The following ZNF512B variants were observed in gnomAD, a reference collection of about 807,000 sequenced individuals.
The protein encoded by ZNF512B is zinc finger protein 512B.
Under a neutral mutation model 87.8 loss-of-function variants are expected in ZNF512B, and 22 were observed. The observed-to-expected ratio is 0.25, with a 90% CI of 0.18 to 0.36. The LOEUF is 0.36. Among genes scored for constraint, ZNF512B ranks in the 10% least tolerant of loss-of-function variants. ZNF512B has a pLI of 1.00. For missense variants in ZNF512B, 1,060 were observed against 1,231.6 expected, an observed-to-expected ratio of 0.86 and a Z score of 2.09; for synonymous variants, 524 against 490.9, an observed-to-expected ratio of 1.07 and a Z score of -0.89.
chr20:63,969,326 G>C (rs1467201267), intron 1 of ZNF512B, among the ~76,000 whole-genome samples: 2 of 152,238 alleles, frequency 1.3e-5, no homozygotes. Flanking sequence ...GGATGAGAAG[G>C]GGCTTCGGCC....
Position 63,969,835 on chromosome 20 carries a change from C to CGGCCGGGCCGGGCCG in ZNF512B, c.-39_-25dup, listed in dbSNP as rs1185102365. The stretch of plus-strand genomic sequence containing the variant: ...TTACCTGCGGCGCCCAGCGGGGCTG[C>CGGCCGGGCCGGGCCG]GGCCGGGCCGGGCCGGGCCGGGGCG... On this transcript the variant is annotated 5_prime_UTR_variant, in exon 1 of 17. Coordinates refer to ENST00000369888, the MANE Select transcript of ZNF512B (RefSeq NM_020713.3). 1 of 93,374 alleles carries CGGCCGGGCCGGGCCG rather than the reference C, an allele frequency of 1.1e-5. No individual in the cohort carries two copies. The highest frequency in any genetic ancestry group is 2.1e-5 in the Non-Finnish European group (1 of 47,678). 5.8% of individuals were successfully genotyped at this position (93,374 alleles called of 1,614,324 possible). A position where few individuals can be genotyped will look rare whatever the true frequency, so the allele number is the denominator to read the frequency against.
Position 63,964,693 on chromosome 20 carries a change from C to T in ZNF512B, c.1058G>A (p.Cys353Tyr). The T allele has an allele frequency of 1.2e-6, 2 of 1,611,466 alleles. No individual in the cohort carries two copies. Among genetic ancestry groups the T allele is most frequent in the Non-Finnish European group, 1.7e-6 (2 of 1,179,942 alleles). ...CCTGGCCTGCTTGGGTGGAATTGGG[C>T]AGGTGTCCAGGCTGTCCGCAGCCCT... Reference protein sequence around the residue: ...KKRAADSLDTCPIPPKQARPE... With the variant: ...KKRAADSLDTYPIPPKQARPE... Residue 353 changes from cysteine (C) to tyrosine (Y), a missense_variant, in exon 6 of 17, where the codon TGC (cysteine) becomes TAC (tyrosine). Cys to Tyr is a radical substitution (Grantham distance 194). Transcript: ENST00000369888.
intron 1 of ZNF512B, among the ~76,000 whole-genome samples, chr20:63,969,407 G>C (rs1485243273): frequency 6.6e-6 from 1 of 151,728 alleles, no homozygotes; most frequent in African/African-American, 2.4e-5. Context: ...CGCAGGAGAC[G>C]CCAGCAGCGG....
At chr20:63,967,253 G>T in intron 3 of ZNF512B, 128 bp downstream of exon 3, 2 of 1,416,928 alleles carry the variant, frequency 1.4e-6, no homozygotes, top group Non-Finnish European at 1.9e-6. Flanking sequence ...CGTGAAGTCT[G>T]CCAGGCCAGT....
chr20:63,968,691 C>T (rs817333), intron 1 of ZNF512B, among the ~76,000 whole-genome samples: 31,051 of 152,202 alleles, frequency 0.2, 3,233 homozygotes, highest in Non-Finnish European at 0.22. Context: ...CAGGCTGACC[C>T]GCCCCCCACC....
At position 63,963,134 on chromosome 20, in the gene ZNF512B, A is replaced by C; in HGVS notation, c.1929T>G (p.Ala643=). The C allele has an allele frequency of 1.3e-6, 2 of 1,557,302 alleles. No homozygotes were observed. Among genetic ancestry groups the C allele is most frequent in the East Asian group, 2.4e-5 (1 of 42,294 alleles). ...THCGKTYRSK[A]GHDYHVRSEH... ...CCGAGCGCACGTGGTAGTCGTGGCC[A>C]GCCTTGGATCGGTACGTCTTGCCAC... Residue 643 remains alanine, a synonymous_variant, in exon 12 of 17, where the codon GCT becomes GCG. Coordinates refer to ENST00000369888, the MANE Select transcript of ZNF512B (RefSeq NM_020713.3).
In ZNF512B at chr20:63,967,471, G is replaced by A. The variant is rs2058939974; in HGVS notation, c.174C>T (p.Cys58=). 5 of 1,612,710 alleles carry A rather than the reference G, an allele frequency of 3.1e-6. No individual in the cohort carries two copies. Among genetic ancestry groups the A allele is most frequent in the East Asian group, 2.2e-5 (1 of 44,862 alleles). The part of the protein sequence containing the change: ...GQTVPGQAPL[C]FDPGSPASDK... ...CACTGGCTGGACTTCCCGGGTCAAA[G>A]CAGAGAGGGGCCTGGCCGGGCACTG... The change falls in exon 3 of 17, where the codon TGC becomes TGT. Residue 58 remains cysteine (C), a synonymous_variant. Transcript: ENST00000369888.
chr20:63,967,460 C>G lies in ZNF512B; in HGVS notation c.185G>C (p.Gly62Ala). The G allele has an allele frequency of 1.9e-6, 3 of 1,613,282 alleles. No individual in the cohort carries two copies. Among genetic ancestry groups the G allele is most frequent in the East Asian group, 2.2e-5 (1 of 44,868 alleles). The change falls in exon 3 of 17, where the codon GGA becomes GCA. Residue 62 changes from glycine to alanine, a missense_variant. Physicochemically the swap from Gly to Ala is moderately conservative, Grantham distance 60. Coordinates refer to ENST00000369888, the MANE Select transcript of ZNF512B (RefSeq NM_020713.3). ...PGQAPLCFDPGSPASDKTEGK... is the reference protein window; with the variant it reads ...PGQAPLCFDPASPASDKTEGK... ...TTCTGTCTTGTCACTGGCTGGACTT[C>G]CCGGGTCAAAGCAGAGAGGGGCCTG...
At chr20:63,965,974 G>A (rs1281681884) in intron 5 of ZNF512B, among the ~76,000 whole-genome samples, 167 bp downstream of exon 5, 1 of 51,644 alleles carries the variant, frequency 1.9e-5, no homozygotes. Context: ...TCTCACCACT[G>A]TTCCTCCCCG....
intron 14 of ZNF512B, 85 bp from the exon 15 acceptor site, chr20:63,962,089 G>A (rs2058859000): frequency 1.3e-5 from 19 of 1,471,842 alleles, no homozygotes; most frequent in East Asian, 2.5e-5. Context: ...GGGGATCTCT[G>A]AGGCTCTTTG....
rs3752314 is a variant in ZNF512B, at chr20:63,966,314, G to A, written c.861C>T (p.Pro287=). Residue 287 remains proline, a synonymous_variant, in exon 5 of 17, where the codon CCC becomes CCT. Transcript: ENST00000369888. ...CTGTCACTGGCTTGGTGACCGGCAC[G>A]GGTTTCGTAACTGTCACAAGCTTTG... is the stretch of plus-strand genomic sequence containing the variant. ...TVTKLVTVTK[P]VPVTKPVTVS... 1.0e-4 allele frequency: 163 copies of A among 1,594,630 alleles called. 1 individual carries two copies. The East Asian group carries it at 3.2e-3, about 31-fold the overall frequency.
chr20:63,961,239 G>A lies in ZNF512B; in HGVS notation c.2427+70C>T. 2 of 1,488,422 alleles carry A rather than the reference G, an allele frequency of 1.3e-6. No homozygotes were observed. The highest frequency in any genetic ancestry group is 1.9e-6 in the Non-Finnish European group (2 of 1,078,106). The allele number at this position is 1,488,422 out of a possible 1,614,324, so 92.2% of individuals were successfully genotyped here. A position where few individuals can be genotyped will look rare whatever the true frequency, so the allele number is the denominator to read the frequency against. ...CCACTGACCTCTCTACCCCCAAGGG[G>A]TGCCCAACCCCAGCCCTGTCCCCTC... On this transcript the variant is annotated intron_variant, in intron 16 of 16. Coordinates refer to ENST00000369888, the MANE Select transcript of ZNF512B (RefSeq NM_020713.3). This position sits in a 1 kb window ranked among gnomAD's most constrained non-coding sequence, Gnocchi z 6.4.
chr20:63,966,525 G>A lies in ZNF512B; in HGVS notation c.650C>T (p.Ser217Leu), dbSNP rs762785738. 21 of 1,613,994 alleles carry A rather than the reference G, an allele frequency of 1.3e-5. No homozygotes were observed. The highest frequency in any genetic ancestry group is 2.2e-5 in the East Asian group (1 of 44,896). ...GGTGACTGGCATGGGTCTGCCGACC[G>A]AGACTGGCTTGCTGATGCCAATGGG... is the stretch of plus-strand genomic sequence containing the variant. ...SKPIGISKPV[S>L]VGRPMPVTKA... The change falls in exon 5 of 17, where the codon TCG becomes TTG. Residue 217 changes from serine (S) to leucine (L), a missense_variant. This residue lies in a region of ZNF512B where 201 missense variants were observed against 226.8 expected (regional missense o/e 0.89). Coordinates refer to ENST00000369888, the MANE Select transcript of ZNF512B (RefSeq NM_020713.3).
In ZNF512B at chr20:63,969,860, G is replaced by A. The variant is rs1323390738; in HGVS notation, c.-49C>T. The A allele has an allele frequency of 1.6e-4, 23 of 141,370 alleles. No homozygotes were observed. The highest frequency in any genetic ancestry group is 5.6e-4 in the African/African-American group (22 of 39,418). The allele number at this position is 141,370 out of a possible 1,614,324, so 8.8% of individuals were successfully genotyped here. On this transcript the variant is annotated 5_prime_UTR_variant, in exon 1 of 17. Transcript: ENST00000369888. The stretch of plus-strand genomic sequence containing the variant: ...CGGCCGGGCCGGGCCGGGCCGGGGC[G>A]GGGGGCGCGGGGCGCGGGGCGCTGG...
chr20:63,964,467 C>A (rs369797054), intron 6 of ZNF512B, 23 bp downstream of exon 6: 1 of 1,613,300 alleles, frequency 6.2e-7, no homozygotes, highest in Admixed American at 1.7e-5. Context: ...CCCCGGCCGC[C>A]ACCCCTGGAG....
rs1466406095 is a variant in ZNF512B at position 63,966,177 on chromosome 20, G to A, written c.998C>T (p.Ala333Val). 3.7e-6 allele frequency: 6 copies of A among 1,613,702 alleles called. No individual in the cohort carries two copies. The highest frequency in any genetic ancestry group is 5.1e-6 in the Non-Finnish European group (6 of 1,180,002). Residue 333 changes from alanine (A) to valine (V), a missense_variant, in exon 5 of 17, where the codon GCA becomes GTA. By Grantham distance (64) the Ala-to-Val change is moderately conservative. Transcript: ENST00000369888. Reference protein sequence around the residue: ...MVLLTRSENKAPRATGRNSGK... With the variant: ...MVLLTRSENKVPRATGRNSGK... Reference sequence around the variant, plus strand: ...ACTGTTCCTCCCTGTGGCACGAGGTGCTTTGTTCTCCGACCTGGTCAGCAG... The same window carrying A: ...ACTGTTCCTCCCTGTGGCACGAGGTACTTTGTTCTCCGACCTGGTCAGCAG...
At chr20:63,968,371 G>A (rs2058949113) in intron 1 of ZNF512B, among the ~76,000 whole-genome samples, 1 of 152,208 alleles carries the variant, frequency 6.6e-6, no homozygotes, top group Non-Finnish European at 1.5e-5. Context: ...GCAGGAGGAA[G>A]GAGGCTGGCA....
rs764641485 is a variant in ZNF512B, at chr20:63,961,395, C to G, written c.2341G>C (p.Ala781Pro). 1.2e-5 allele frequency: 19 copies of G among 1,611,838 alleles called. No individual in the cohort carries two copies. The highest frequency in any genetic ancestry group is 8.5e-7 in the Non-Finnish European group (1 of 1,179,938). ...CACAGCAGACAGCGGTACTTCCCTGCCAGGTGGGCCCCCTGCAATGCATAG... is the reference window on the plus strand; with the variant it reads ...CACAGCAGACAGCGGTACTTCCCTGGCAGGTGGGCCCCCTGCAATGCATAG... ...LASCSKGAHL[A>P]GKYRCLLCPK... is the part of the protein sequence containing the mutation. Residue 781 changes from alanine to proline, a missense_variant, in exon 16 of 17, where the codon GCA (alanine) becomes CCA (proline). Physicochemically the swap from Ala to Pro is conservative, Grantham distance 27. Around this residue, in one of 9 missense-constraint regions of ZNF512B, gnomAD observed 253 missense variants for 259.2 expected, o/e 0.98. Transcript: ENST00000369888. This position sits in a 1 kb window ranked among gnomAD's most constrained non-coding sequence, Gnocchi z 6.4.
Position 63,967,002 on chromosome 20 carries a change from G to C in ZNF512B, c.267C>G (p.Leu89=). ...CATCCTTCCAGTCGTTCATCAGGGA[G>C]AGCTAGGCGTGGGGAAAGGTGGTGC... ...AENQALRDIP[L]SLMNDWKDEF... Residue 89 remains leucine (L), a splice_region_variant and synonymous_variant, in exon 4 of 17, where the codon CTC becomes CTG. Transcript: ENST00000369888. 2 of 1,613,426 alleles carry C rather than the reference G, an allele frequency of 1.2e-6. No homozygotes were observed. Among genetic ancestry groups the C allele is most frequent in the African/African-American group, 2.7e-5 (2 of 75,064 alleles).
Sources: allele counts gnomAD v4.1 joint callset (sites outside exome capture counted in the v4.1 genomes callset), GRCh38; gene constraint gnomAD v4.1.1; regional missense constraint gnomAD v4.1.1; non-coding constraint Gnocchi (gnomAD v3.1); transcripts MANE v1.5; gene names NCBI Gene and HGNC (gene_info 2026-07-23, HGNC 2026-07-21).